Variants in ORC4 observed in about 807,000 individuals in gnomAD.
ORC4 encodes the protein origin recognition complex, subunit 4 homolog.
A neutral mutation model predicts 63.9 loss-of-function variants in ORC4; 55 were observed. That is an observed-to-expected ratio of 0.86 (90% CI 0.69 to 1.08). The LOEUF (loss-of-function observed/expected upper bound fraction) is 1.08, where lower values mean the gene tolerates loss of function less well. Ranked by LOEUF, ORC4 falls within the 50% of genes least tolerant of loss-of-function variation. The probability of loss-of-function intolerance (pLI) is 0.00; values close to 1 mark genes in which losing one functional copy is unlikely to be tolerated. For synonymous variants in ORC4, 150 were observed against 168.5 expected (o/e 0.89, Z 0.85); for missense variants, 511 against 504.4 (o/e 1.01, Z -0.13).
intron 3 of ORC4, 21 bp downstream of exon 3, chr2:147,973,427 C>T: frequency 6.8e-7 from 1 of 1,476,394 alleles, no homozygotes; most frequent in Non-Finnish European, 9.5e-7. Flanking sequence ...CCATAACAGT[C>T]AAGAGGACAG....
chr2:148,017,177 G>C (rs1221323786), intron 1 of ORC4, among the ~76,000 whole-genome samples: 4 of 152,168 alleles, frequency 2.6e-5, no homozygotes, highest in African/African-American at 9.7e-5. Flanking sequence ...AGTGACATAA[G>C]TAATTTAAAA....
intron 1 of ORC4, among the ~76,000 whole-genome samples, chr2:148,016,572 A>G (rs1444504954): frequency 6.6e-6 from 1 of 152,184 alleles, no homozygotes; most frequent in African/African-American, 2.4e-5. Context: ...TGACCTCTCA[A>G]CTGACTACCA....
chr2:148,017,763 C>T (rs143505780), intron 1 of ORC4, among the ~76,000 whole-genome samples: 24 of 152,304 alleles, frequency 1.6e-4, no homozygotes, highest in Non-Finnish European at 2.9e-4. Context: ...TCCAAACATA[C>T]AGGTTTTACA....
chr2:148,009,429 T>C (rs983741929), intron 1 of ORC4, among the ~76,000 whole-genome samples: 2 of 152,164 alleles, frequency 1.3e-5, no homozygotes, highest in African/African-American at 4.8e-5. Flanking sequence ...AGTAGCTTTG[T>C]ATCTATTTTT....
intron 3 of ORC4, 67 bp downstream of exon 3, chr2:147,973,381 A>T (rs1690338216): frequency 1.1e-6 from 1 of 934,594 alleles, no homozygotes; most frequent in Admixed American, 1.7e-5. Context: ...TTGTACAATA[A>T]TTTTTGCAAA....
chr2:148,017,130 T>C (rs1324279707), intron 1 of ORC4, among the ~76,000 whole-genome samples: 1 of 152,164 alleles, frequency 6.6e-6, no homozygotes, highest in Non-Finnish European at 1.5e-5. Context: ...CATAGGAACA[T>C]CTAGCTCAAA....
At chr2:147,999,313 G>T (rs555094093) in intron 1 of ORC4, among the ~76,000 whole-genome samples, 4 of 152,146 alleles carry the variant, frequency 2.6e-5, no homozygotes, top group Non-Finnish European at 5.9e-5. Context: ...AAGGTTTTGA[G>T]GGGGAGGAGA....
At chr2:147,952,079 A>ATT (rs1349115340) in intron 8 of ORC4, among the ~76,000 whole-genome samples, 1 of 152,200 alleles carries the variant, frequency 6.6e-6, no homozygotes, top group East Asian at 1.9e-4. Flanking sequence ...TATTGGTGAG[A>ATT]TTTAACCGCC....
intron 10 of ORC4, among the ~76,000 whole-genome samples, chr2:147,939,613 C>T (rs929006200): frequency 5.3e-5 from 8 of 152,104 alleles, no homozygotes; most frequent in African/African-American, 1.2e-4. Context: ...GGCAGATCTA[C>T]GCCTTACTTG....
chr2:147,947,009 G>A (rs559347025), intron 9 of ORC4, among the ~76,000 whole-genome samples: 1 of 152,036 alleles, frequency 6.6e-6, no homozygotes, highest in East Asian at 1.9e-4. Context: ...TACATGAGCA[G>A]ACTATATTTT....
intron 2 of ORC4, among the ~76,000 whole-genome samples, chr2:147,975,615 T>TA (rs950763416): frequency 4.0e-5 from 6 of 151,398 alleles, no homozygotes; most frequent in Non-Finnish European, 7.4e-5. Context: ...ACACTAATAT[T>TA]AAAAAAAATA....
In ORC4 at chr2:147,999,312, A is replaced by AG. The variant is rs1211954651; in HGVS notation, c.-18+21320dup. Among the ~76,000 whole-genome samples, 10 of 152,246 alleles carry AG rather than the reference A, an allele frequency of 6.6e-5. No individual in the cohort carries two copies. In the South Asian group the frequency reaches 1.2e-3, roughly 19 times the overall value. On this transcript the variant is annotated intron_variant, in intron 1 of 13. Coordinates refer to ENST00000392857, the MANE Select transcript of ORC4 (RefSeq NM_181741.4). ...GAGGGTATCAGACAAAAAGGTTTTG[A>AG]GGGGGAGGAGAGGATTAAGAGAGTG...
rs1320414247 is a variant in ORC4 at position 147,940,355 on chromosome 2, C to T, written c.850-1107G>A. Among the ~76,000 whole-genome samples, 4 of 151,940 alleles carry T rather than the reference C, an allele frequency of 2.6e-5. No individual in the cohort carries two copies. The East Asian group carries it at 7.7e-4, about 29-fold the overall frequency. On this transcript the variant is annotated intron_variant, in intron 10 of 13. Transcript: ENST00000392857. ...CCACTGGAAAACAATGTGGAGATTC[C>T]TTAAAGAACTAAAAGTAGAACTACC...
At chr2:147,961,499 A>G (rs1030802815) in intron 4 of ORC4, among the ~76,000 whole-genome samples, 1 of 152,144 alleles carries the variant, frequency 6.6e-6, no homozygotes, top group Non-Finnish European at 1.5e-5. Context: ...TTGTCTAAAA[A>G]TAAATTATAT....
chr2:147,944,007 C>T (rs189365909), intron 9 of ORC4, among the ~76,000 whole-genome samples: 199 of 152,156 alleles, frequency 1.3e-3, no homozygotes, highest in Non-Finnish European at 3.5e-4. Flanking sequence ...TGAGTAGTCA[C>T]GTACTGGAGT....
At chr2:147,986,102 A>T (rs1261055723) in intron 1 of ORC4, among the ~76,000 whole-genome samples, 2 of 152,190 alleles carry the variant, frequency 1.3e-5, no homozygotes, top group Admixed American at 1.3e-4. Flanking sequence ...TTCTGTACAC[A>T]TCTTTATTTT....
Position 147,933,707 on chromosome 2 carries a change from A to G in ORC4, c.*1803T>C, listed in dbSNP as rs1218958374. The G allele has an allele frequency of 6.6e-6, 1 of 152,142 alleles. No homozygotes were observed. The allele number at this position is 152,142 out of a possible 1,614,324, so 9.4% of individuals were successfully genotyped here. ...CCTCAAATAGTTCAGAAAATTTTTAAAAGGATCACTTAGAGCATAAGTGTA... is the reference window on the plus strand; with the variant it reads ...CCTCAAATAGTTCAGAAAATTTTTAGAAGGATCACTTAGAGCATAAGTGTA... On this transcript the variant is annotated 3_prime_UTR_variant, in exon 14 of 14. Coordinates refer to ENST00000392857, the MANE Select transcript of ORC4 (RefSeq NM_181741.4).
intron 1 of ORC4, among the ~76,000 whole-genome samples, chr2:148,012,109 T>A (rs1693006077): frequency 6.6e-6 from 1 of 151,734 alleles, no homozygotes; most frequent in African/African-American, 2.4e-5. Context: ...TAAAATTGTA[T>A]GGAAGCACAA....
chr2:147,979,468 G>A (rs970141034), intron 1 of ORC4, among the ~76,000 whole-genome samples: 25 of 152,108 alleles, frequency 1.6e-4, no homozygotes, highest in African/African-American at 6.0e-4. Flanking sequence ...TATACTCCAT[G>A]TTCATGGACT....
Sources: allele counts gnomAD v4.1 joint callset (sites outside exome capture counted in the v4.1 genomes callset), GRCh38; gene constraint gnomAD v4.1.1; transcripts MANE v1.5; gene names NCBI Gene and HGNC (gene_info 2026-07-23, HGNC 2026-07-21).